Variants in CTNNA1 observed in about 807,000 individuals in gnomAD.
CTNNA1 encodes the protein catenin alpha 1.
In CTNNA1, 37 loss-of-function variants were observed where a neutral mutation model predicts 98.4. The ratio of observed to expected loss-of-function variants is 0.38; its 90% CI spans 0.29 to 0.49. The LOEUF is 0.49. Among genes scored for constraint, CTNNA1 ranks in the 20% least tolerant of loss-of-function variants. The probability of loss-of-function intolerance (pLI) is 0.95; values close to 1 mark genes in which losing one functional copy is unlikely to be tolerated. For synonymous variants in CTNNA1, 404 were observed against 413.2 expected, an observed-to-expected ratio of 0.98 and a Z score of 0.27; for missense variants, 761 against 1,147.2, an observed-to-expected ratio of 0.66 and a Z score of 4.86.
At chr5:138,921,909 G>A (rs548995746) in intron 11 of CTNNA1, among the ~76,000 whole-genome samples, 16 of 151,660 alleles carry the variant, frequency 1.1e-4, no homozygotes, top group African/African-American at 3.4e-4. Flanking sequence ...AAAATCACCC[G>A]GCCGGTGATT....
In CTNNA1 at chr5:138,770,339, G is replaced by A. The variant is rs1333414212; in HGVS notation, c.-2-11584G>A. On this transcript the variant is annotated intron_variant, in intron 1 of 17. Coordinates refer to ENST00000302763, the MANE Select transcript of CTNNA1 (RefSeq NM_001903.5). The stretch of plus-strand genomic sequence containing the variant: ...CTGTATCCATTATCAGTTGTTAGGA[G>A]GGCTTGATGCAGCTTTCTATTAAAC... 2.6e-5 allele frequency among the ~76,000 whole-genome samples: 4 copies of A among 152,230 alleles called. No individual in the cohort carries two copies. The South Asian group carries it at 8.3e-4, about 32-fold the overall frequency.
intron 10 of CTNNA1, chr5:138,904,643 T>TA: frequency 1.6e-6 from 1 of 637,926 alleles, no homozygotes; most frequent in Non-Finnish European, 2.5e-6. Flanking sequence ...GATTACATGT[T>TA]ACTCCTGGCC....
chr5:138,885,018 T>C (rs948947456), intron 7 of CTNNA1, among the ~76,000 whole-genome samples: 1 of 152,242 alleles, frequency 6.6e-6, no homozygotes, highest in Non-Finnish European at 1.5e-5. Context: ...ATTTTACTTA[T>C]ATTTCAACTC....
At chr5:138,791,349 T>C (rs1756336039) in intron 3 of CTNNA1, among the ~76,000 whole-genome samples, 1 of 152,020 alleles carries the variant, frequency 6.6e-6, no homozygotes, top group Admixed American at 6.6e-5. Context: ...CCGGGTGCGG[T>C]GGCTCATGTC....
At chr5:138,837,416 TCTCCTC>T (rs1166041137) in intron 7 of CTNNA1, among the ~76,000 whole-genome samples, 2 of 151,420 alleles carry the variant, frequency 1.3e-5, no homozygotes, top group African/African-American at 4.9e-5. Flanking sequence ...GTTTCTTCCT[TCTCCTC>T]CTCCTCCTTC....
At chr5:138,851,548 A>G (rs1170625290) in intron 7 of CTNNA1, among the ~76,000 whole-genome samples, 1 of 151,818 alleles carries the variant, frequency 6.6e-6, no homozygotes, top group Non-Finnish European at 1.5e-5. Context: ...ACTTGAGGCC[A>G]GGAGTTTGAG....
At chr5:138,896,702 T>G (rs1756889714) in intron 9 of CTNNA1, among the ~76,000 whole-genome samples, 1 of 152,218 alleles carries the variant, frequency 6.6e-6, no homozygotes, top group Non-Finnish European at 1.5e-5. Context: ...CTTTCATCTG[T>G]TTATAAAATA....
chr5:138,876,511 ATAT>A (rs1460975616), intron 7 of CTNNA1, among the ~76,000 whole-genome samples: 4 of 152,208 alleles, frequency 2.6e-5, no homozygotes, highest in Non-Finnish European at 5.9e-5. Context: ...TCTAGATGTT[ATAT>A]TTTCAGGCCT....
At chr5:138,875,510 C>G (rs769353424) in intron 7 of CTNNA1, 4 of 985,386 alleles carry the variant, frequency 4.1e-6, no homozygotes, top group African/African-American at 3.5e-5. Flanking sequence ...AAGAAGAACT[C>G]CTGACTTAAA....
At chr5:138,847,151 G>C (rs1762792705) in intron 7 of CTNNA1, among the ~76,000 whole-genome samples, 1 of 152,184 alleles carries the variant, frequency 6.6e-6, no homozygotes, top group African/African-American at 2.4e-5. Flanking sequence ...AAGTGAAGTG[G>C]TTTGTTTTAG....
At chr5:138,817,978 C>T (rs1759601444) in intron 5 of CTNNA1, among the ~76,000 whole-genome samples, 1 of 151,652 alleles carries the variant, frequency 6.6e-6, no homozygotes, top group Non-Finnish European at 1.5e-5. Context: ...CCTCCACCTC[C>T]CAGGTTCAAA....
chr5:138,762,303 A>G (rs1286435866), intron 1 of CTNNA1, among the ~76,000 whole-genome samples: 1 of 152,156 alleles, frequency 6.6e-6, no homozygotes, highest in East Asian at 1.9e-4. Context: ...GAATGGACTG[A>G]ACAGTGTGGG....
chr5:138,874,258 T>C lies in CTNNA1; in HGVS notation c.1063-11954T>C. The C allele has an allele frequency of 6.2e-7, 1 of 1,614,044 alleles. No individual in the cohort carries two copies. Among genetic ancestry groups the C allele is most frequent in the African/African-American group, 1.3e-5 (1 of 75,062 alleles). On this transcript the variant is annotated intron_variant, in intron 7 of 17. Coordinates refer to ENST00000302763, the MANE Select transcript of CTNNA1 (RefSeq NM_001903.5). This position sits in a 1 kb window ranked among gnomAD's most constrained non-coding sequence, Gnocchi z 4.1. ...TATATAGTCCTTGAAAAGCATCTTC[T>C]TTTACTGTTGAAATTTGATTGTGAT... is the stretch of plus-strand genomic sequence containing the variant.
chr5:138,931,263 C>T (rs1340022404), intron 16 of CTNNA1, among the ~76,000 whole-genome samples: 1 of 152,186 alleles, frequency 6.6e-6, no homozygotes, highest in Non-Finnish European at 1.5e-5. Context: ...TAGATGGGCC[C>T]AGGTTTCTTC....
At chr5:138,856,204 C>T (rs988411352) in intron 7 of CTNNA1, among the ~76,000 whole-genome samples, 2 of 152,154 alleles carry the variant, frequency 1.3e-5, no homozygotes, top group African/African-American at 4.8e-5. Flanking sequence ...CTGAGATTTC[C>T]AACAGTGAAG....
At chr5:138,887,838 A>C (rs1754415344) in intron 9 of CTNNA1, 196 bp downstream of exon 9, 1 of 455,096 alleles carries the variant, frequency 2.2e-6, no homozygotes, top group Non-Finnish European at 3.9e-6. Flanking sequence ...TATGTACGTT[A>C]TTAAATACTA....
In CTNNA1 at chr5:138,886,237, C is replaced by T. The variant is rs1215283244; in HGVS notation, c.1088C>T (p.Ala363Val). The T allele has an allele frequency of 6.2e-7, 1 of 1,611,064 alleles. No individual in the cohort carries two copies. Among genetic ancestry groups the T allele is most frequent in the Non-Finnish European group, 8.5e-7 (1 of 1,178,604 alleles). Residue 363 changes from alanine (A) to valine (V), a missense_variant, in exon 8 of 18, where the codon GCA (alanine) becomes GTA (valine). Coordinates refer to ENST00000302763, the MANE Select transcript of CTNNA1 (RefSeq NM_001903.5). ...GCTGGACGTAAAGAAAGAAGTGATG[C>T]ACTCAATTCTGCAATAGATAAAATG... Reference protein sequence around the residue: ...GNAGRKERSDALNSAIDKMTK... With the variant: ...GNAGRKERSDVLNSAIDKMTK...
At chr5:138,776,188 G>C (rs1005737126) in intron 1 of CTNNA1, among the ~76,000 whole-genome samples, 14 of 151,480 alleles carry the variant, frequency 9.2e-5, no homozygotes, top group Admixed American at 5.9e-4. Flanking sequence ...AGAGGACCCT[G>C]CGGCCTTCCG....
chr5:138,798,130 T>C (rs1210400769), intron 3 of CTNNA1, among the ~76,000 whole-genome samples: 1 of 152,206 alleles, frequency 6.6e-6, no homozygotes, highest in Non-Finnish European at 1.5e-5. Context: ...GGTGTGTGGA[T>C]AATGACATGT....
Sources: allele counts gnomAD v4.1 joint callset (sites outside exome capture counted in the v4.1 genomes callset), GRCh38; gene constraint gnomAD v4.1.1; non-coding constraint Gnocchi (gnomAD v3.1); transcripts MANE v1.5; gene names NCBI Gene and HGNC (gene_info 2026-07-23, HGNC 2026-07-21).